The following CPEB1 variants were observed in gnomAD, a reference collection of about 807,000 sequenced individuals.
CPEB1 encodes cytoplasmic polyadenylation element binding protein 1.
A neutral mutation model predicts 65.8 loss-of-function variants in CPEB1; 7 were observed. The ratio of observed to expected loss-of-function variants is 0.11; its 90% CI spans 0.06 to 0.20. The LOEUF (loss-of-function observed/expected upper bound fraction) is 0.20. Ranked by LOEUF, CPEB1 falls within the 10% of genes least tolerant of loss-of-function variation. The pLI, the probability that CPEB1 is intolerant of heterozygous loss-of-function variation, is 1.00. For missense variants in CPEB1, 551 were observed against 712.2 expected (o/e 0.77, Z 2.58); for synonymous variants, 262 against 260.0 (o/e 1.01, Z -0.08).
intron 9 of CPEB1, among the ~76,000 whole-genome samples, chr15:82,551,018 A>C (rs1044828885): frequency 2.0e-5 from 3 of 152,106 alleles, no homozygotes; most frequent in African/African-American, 7.2e-5. Context: ...TGGTTGTGAA[A>C]GCAGGAGGGG....
At chr15:82,579,186 G>T (rs551055653) in intron 3 of CPEB1, among the ~76,000 whole-genome samples, 2 of 152,174 alleles carry the variant, frequency 1.3e-5, no homozygotes, top group South Asian at 2.1e-4. Context: ...TCCAGGCTAG[G>T]TGTGGTGGCT....
intron 3 of CPEB1, among the ~76,000 whole-genome samples, chr15:82,582,622 C>T (rs769327631): frequency 2.6e-5 from 4 of 152,076 alleles, no homozygotes; most frequent in South Asian, 4.1e-4. Context: ...CAGGTCTACA[C>T]TCATACATAA....
At chr15:82,581,957 A>G (rs1485131630) in intron 3 of CPEB1, among the ~76,000 whole-genome samples, 1 of 152,214 alleles carries the variant, frequency 6.6e-6, no homozygotes. Flanking sequence ...AAGCCAAGCT[A>G]GCTGGGTATC....
At chr15:82,552,160 A>C (rs1423883257) in intron 9 of CPEB1, among the ~76,000 whole-genome samples, 1 of 152,212 alleles carries the variant, frequency 6.6e-6, no homozygotes, top group Non-Finnish European at 1.5e-5. Flanking sequence ...TCTCAATTTC[A>C]TTTCTAAGAC....
chr15:82,573,314 CCTAT>C lies in CPEB1; in HGVS notation c.272-1786_272-1783del. 3 of 722,080 alleles carry C rather than the reference CCTAT, an allele frequency of 4.2e-6. No homozygotes were observed. In the South Asian group the frequency reaches 6.5e-5, roughly 16 times the overall value. 44.7% of individuals were successfully genotyped at this position (722,080 alleles called of 1,614,324 possible). On this transcript the variant is annotated intron_variant, in intron 3 of 12. Transcript: ENST00000684509. ...CTGGCTGTAGATATTCTGCTTGCTC[CCTAT>C]CTGTGTTTGTCAAAGCCTTGTTCAT...
intron 3 of CPEB1, among the ~76,000 whole-genome samples, chr15:82,577,538 G>A (rs1266183518): frequency 6.6e-6 from 1 of 152,090 alleles, no homozygotes; most frequent in Non-Finnish European, 1.5e-5. Flanking sequence ...TGGATTTTTA[G>A]AAACAGAATC....
intron 3 of CPEB1, among the ~76,000 whole-genome samples, chr15:82,587,908 A>ATTTTG (rs1051262511): frequency 1.3e-5 from 2 of 149,164 alleles, no homozygotes; most frequent in South Asian, 2.1e-4. Flanking sequence ...TAACGGCCAA[A>ATTTTG]TTTTGTTTTG....
At chr15:82,558,471 C>T (rs1337461403) in intron 4 of CPEB1, among the ~76,000 whole-genome samples, 10 of 151,042 alleles carry the variant, frequency 6.6e-5, no homozygotes, top group Admixed American at 6.6e-4. Flanking sequence ...ATAAGCATAC[C>T]ACCTCATGTG....
At chr15:82,571,297 C>A (rs754971043) in intron 4 of CPEB1, 47 bp downstream of exon 4, 92 of 1,574,160 alleles carry the variant, frequency 5.8e-5, no homozygotes, top group Non-Finnish European at 7.5e-5. Context: ...TCGTTCACCA[C>A]CCCCATGCAT....
intron 12 of CPEB1, 44 bp from the exon 13 acceptor site, chr15:82,544,746 C>G: frequency 4.2e-6 from 6 of 1,412,666 alleles, no homozygotes; most frequent in Non-Finnish European, 6.0e-6. Flanking sequence ...CCTGTGTCAG[C>G]ACCAGACACA....
At chr15:82,639,289 C>T (rs541487375) in intron 1 of CPEB1, among the ~76,000 whole-genome samples, 7 of 152,190 alleles carry the variant, frequency 4.6e-5, no homozygotes, top group Non-Finnish European at 1.0e-4. Flanking sequence ...TCAACATTCA[C>T]TTATCTGTAC....
At chr15:82,603,209 C>G (rs2043272013) in intron 3 of CPEB1, among the ~76,000 whole-genome samples, 1 of 152,062 alleles carries the variant, frequency 6.6e-6, no homozygotes, top group Non-Finnish European at 1.5e-5. Flanking sequence ...AAGGACAAAA[C>G]AGTTGGAGCT....
intron 1 of CPEB1, among the ~76,000 whole-genome samples, chr15:82,635,904 A>G (rs1468945071): frequency 2.0e-5 from 3 of 152,232 alleles, no homozygotes; most frequent in Non-Finnish European, 4.4e-5. Flanking sequence ...AGAACACAGT[A>G]AATTCAAGAA....
At chr15:82,556,195 T>G (rs1024341557) in intron 5 of CPEB1, 73 bp from the exon 6 acceptor site, 1 of 1,439,982 alleles carries the variant, frequency 6.9e-7, no homozygotes, top group African/African-American at 1.5e-5. Flanking sequence ...ATTATAGAAA[T>G]TATTAAAAAC....
intron 3 of CPEB1, among the ~76,000 whole-genome samples, chr15:82,622,592 A>G (rs1235381962): frequency 6.6e-6 from 1 of 152,108 alleles, no homozygotes; most frequent in African/African-American, 2.4e-5. Flanking sequence ...AGGTTTCGCC[A>G]TGTTGGTCAG....
Position 82,627,348 on chromosome 15 carries a change from A to G in CPEB1, c.116T>C (p.Ile39Thr). Residue 39 changes from isoleucine to threonine, a missense_variant, in exon 3 of 13, where the codon ATA becomes ACA. By Grantham distance (89) the Ile-to-Thr change is moderately conservative. Transcript: ENST00000684509. The part of the protein sequence containing the change: ...LIPLEEEAGR[I>T]KDCWDNQEAP... Reference sequence around the variant, plus strand: ...TTCCTGGTTGTCCCAGCAATCTTTTATCCTTCCTGCTTCTTCTTCCTAGAC... The same window carrying G: ...TTCCTGGTTGTCCCAGCAATCTTTTGTCCTTCCTGCTTCTTCTTCCTAGAC... 6.2e-7 allele frequency: 1 copy of G among 1,612,622 alleles called. No homozygotes were observed. Among genetic ancestry groups the G allele is most frequent in the Non-Finnish European group, 8.5e-7 (1 of 1,179,358 alleles).
intron 3 of CPEB1, among the ~76,000 whole-genome samples, chr15:82,620,944 G>A (rs1596118915): frequency 6.6e-6 from 1 of 152,276 alleles, no homozygotes; most frequent in East Asian, 1.9e-4. Flanking sequence ...AAAATTCAGT[G>A]AATAGTACAC....
chr15:82,607,157 G>GGT (rs1436184876), intron 3 of CPEB1, among the ~76,000 whole-genome samples: 2 of 110,772 alleles, frequency 1.8e-5, no homozygotes, highest in Non-Finnish European at 3.6e-5. Context: ...AAAAATGGCA[G>GGT]GTGTATATCT....
At chr15:82,595,546 A>C (rs1400802887) in intron 3 of CPEB1, among the ~76,000 whole-genome samples, 3 of 152,236 alleles carry the variant, frequency 2.0e-5, no homozygotes, top group South Asian at 2.1e-4. Context: ...GGGTAACTGC[A>C]ATGGATCAAG....
Sources: gnomAD v4.1 joint callset for allele counts (sites outside exome capture counted in the v4.1 genomes callset) on GRCh38, gnomAD v4.1.1 for gene constraint, MANE v1.5 for transcripts, NCBI Gene and HGNC (gene_info 2026-07-23, HGNC 2026-07-21) for gene names.